Variants in ODF2 observed in about 807,000 individuals in gnomAD.
ODF2 encodes the protein outer dense fiber protein 2.
ODF2 carries 47 observed loss-of-function variants against 110.2 expected under a neutral mutation model. That is an observed-to-expected ratio of 0.43 (90% CI 0.34 to 0.54). The LOEUF (loss-of-function observed/expected upper bound fraction) is 0.54. Among genes scored for constraint, ODF2 ranks in the 20% least tolerant of loss-of-function variants. The pLI is 0.03. For missense variants in ODF2, 812 were observed against 1,054.5 expected (o/e 0.77, Z 3.19); for synonymous variants, 352 against 397.7 (o/e 0.89, Z 1.37).
intron 10 of ODF2, among the ~76,000 whole-genome samples, chr9:128,483,185 G>A (rs528796734): frequency 1.9e-3 from 288 of 152,164 alleles, no homozygotes; most frequent in Non-Finnish European, 2.7e-3. Flanking sequence ...GAGCCACTGC[G>A]CCCAGCCGCA....
At chr9:128,461,212 T>C in intron 4 of ODF2, 145 bp downstream of exon 4, 1 of 1,019,288 alleles carries the variant, frequency 9.8e-7, no homozygotes, top group South Asian at 1.7e-5. Context: ...ACCCTGAAAC[T>C]ATGTGAATCT....
At chr9:128,467,361 C>T (rs990440830) in intron 4 of ODF2, among the ~76,000 whole-genome samples, 11 of 151,960 alleles carry the variant, frequency 7.2e-5, no homozygotes, top group African/African-American at 2.7e-4. Flanking sequence ...CAGTCCATTG[C>T]TGACTGAAAT....
At position 128,494,534 on chromosome 9, in the gene ODF2, C is replaced by G. The variant is rs771221071; in HGVS notation, c.1777C>G (p.Leu593Val). Residue 593 changes from leucine to valine, a missense_variant, in exon 17 of 21, where the codon CTG becomes GTG. Leu to Val is a conservative substitution (Grantham distance 32, BLOSUM62 1). Around this residue, in one of 5 missense-constraint regions of ODF2, gnomAD observed 165 missense variants for 293.4 expected, o/e 0.56. Coordinates refer to ENST00000604420, the Ensembl canonical transcript of ODF2. The surrounding 1 kb of genome is among the most constrained non-coding windows in gnomAD (Gnocchi z 4.6). ...GGCACGAAGGCAGTTCCAGTCTCAGCTGGCTGACCTGCAGCAGCTCCCTGA... is the reference window on the plus strand; with the variant it reads ...GGCACGAAGGCAGTTCCAGTCTCAGGTGGCTGACCTGCAGCAGCTCCCTGA... 22 of 1,614,112 alleles carry G rather than the reference C, an allele frequency of 1.4e-5. No homozygotes were observed. The highest frequency in any genetic ancestry group is 1.7e-5 in the Non-Finnish European group (20 of 1,180,052).
At chr9:128,461,304 G>C (rs1175983191) in intron 4 of ODF2, 1 of 516,464 alleles carries the variant, frequency 1.9e-6, no homozygotes, top group Non-Finnish European at 3.5e-6. Context: ...AGAGAGAAGT[G>C]ATTTTCCCAG....
At chr9:128,456,406 T>C in intron 1 of ODF2, 151 bp downstream of exon 1, 13 of 1,465,954 alleles carry the variant, frequency 8.9e-6, no homozygotes, top group Non-Finnish European at 1.2e-5. Flanking sequence ...TGTCAGAACC[T>C]GGGCCCCCGC....
At chr9:128,488,108 G>T (rs1406507914) in intron 14 of ODF2, 83 bp downstream of exon 14, 5 of 1,500,186 alleles carry the variant, frequency 3.3e-6, no homozygotes, top group Non-Finnish European at 4.6e-6. Flanking sequence ...GGGCCTGGGG[G>T]CATCTTGACT....
intron 13 of ODF2, among the ~76,000 whole-genome samples, chr9:128,486,308 G>T (rs571439121): frequency 6.6e-6 from 1 of 152,292 alleles, no homozygotes; most frequent in East Asian, 1.9e-4. Flanking sequence ...GCCAGCTGCT[G>T]TCCTTAGGGA....
chr9:128,474,390 G>T (rs1232708033), intron 8 of ODF2, among the ~76,000 whole-genome samples: 3 of 152,196 alleles, frequency 2.0e-5, no homozygotes, highest in Non-Finnish European at 4.4e-5. Context: ...CTACTCTGGA[G>T]GTTGAGGCAG....
chr9:128,472,213 T>C (rs982669007), intron 6 of ODF2, among the ~76,000 whole-genome samples: 1 of 152,094 alleles, frequency 6.6e-6, no homozygotes, highest in African/African-American at 2.4e-5. Flanking sequence ...CTGGGAGGCA[T>C]CTCAAAATTT....
chr9:128,463,789 T>G (rs1418120388), intron 4 of ODF2, among the ~76,000 whole-genome samples: 1 of 152,206 alleles, frequency 6.6e-6, no homozygotes, highest in Non-Finnish European at 1.5e-5. Context: ...AATATGCAAG[T>G]AGTGGTAAGC....
intron 18 of ODF2, 88 bp downstream of exon 18, chr9:128,496,229 T>A: frequency 6.3e-7 from 1 of 1,588,894 alleles, no homozygotes. Flanking sequence ...TGTGCGGAAG[T>A]GTTGAGGGAC....
intron 4 of ODF2, among the ~76,000 whole-genome samples, chr9:128,465,872 G>GC (rs1837725206): frequency 6.6e-6 from 1 of 152,164 alleles, no homozygotes; most frequent in South Asian, 2.1e-4. Context: ...AGGAGCAATG[G>GC]CTCACTCCTG....
intron 14 of ODF2, among the ~76,000 whole-genome samples, chr9:128,491,924 G>A (rs1326908637): frequency 6.7e-6 from 1 of 149,068 alleles, no homozygotes; most frequent in East Asian, 2.0e-4. Flanking sequence ...TGGAGTGCAG[G>A]GGCACGATCT....
At position 128,485,371 on chromosome 9, in the gene ODF2, T is replaced by C; in HGVS notation, c.1297T>C (p.Tyr433His). 6.3e-7 allele frequency: 1 copy of C among 1,592,902 alleles called. No homozygotes were observed. The change falls in exon 13 of 21, where the codon TAT becomes CAT. Residue 433 changes from tyrosine (Y) to histidine (H), a missense_variant. Around this residue, in one of 5 missense-constraint regions of ODF2, gnomAD observed 165 missense variants for 293.4 expected, o/e 0.56. Coordinates refer to ENST00000604420, the Ensembl canonical transcript of ODF2. The surrounding 1 kb of genome is among the most constrained non-coding windows in gnomAD (Gnocchi z 5.0). ...TTTTGTCCCGTGTTCCCAGGATCTT[T>C]ATGTCGCTGAAGCTTTATCCACTCT...
At chr9:128,496,803 C>T (rs1183799203) in intron 18 of ODF2, among the ~76,000 whole-genome samples, 2 of 152,224 alleles carry the variant, frequency 1.3e-5, no homozygotes, top group Non-Finnish European at 2.9e-5. Context: ...TCTCAGCTCA[C>T]TGCAACCTCG....
At chr9:128,472,009 T>C (rs577700684) in intron 6 of ODF2, among the ~76,000 whole-genome samples, 21 of 152,258 alleles carry the variant, frequency 1.4e-4, no homozygotes, top group African/African-American at 4.6e-4. Flanking sequence ...TGGCCGGGCG[T>C]GGTGGCTCAC....
At chr9:128,497,437 AAAAAAAAAAATATATATATATAT>A (rs1327203047) in intron 18 of ODF2, 4 of 97,484 alleles carry the variant, frequency 4.1e-5, no homozygotes, top group Admixed American at 2.2e-4. Context: ...AAAAAAAAAA[AAAAAAAAAAATATATATATATAT>A]ATATATATAT....
downstream of ODF2, chr9:128,501,125 C>T (rs1019531124): frequency 2.6e-5 from 4 of 152,176 alleles, no homozygotes; most frequent in African/African-American, 7.2e-5. Flanking sequence ...GGTGCTTTCA[C>T]ATTGTAATCA....
chr9:128,474,416 C>T (rs913117083), intron 8 of ODF2, among the ~76,000 whole-genome samples: 1 of 152,078 alleles, frequency 6.6e-6, no homozygotes, highest in Non-Finnish European at 1.5e-5. Flanking sequence ...TTGCTTGAAC[C>T]TGGGAGGCGG....
Sources: gnomAD v4.1 joint callset for allele counts (sites outside exome capture counted in the v4.1 genomes callset) on GRCh38, gnomAD v4.1.1 for gene constraint, gnomAD v4.1.1 regional missense constraint, Gnocchi (gnomAD v3.1) non-coding constraint, MANE v1.5 for transcripts, NCBI Gene and HGNC (gene_info 2026-07-23, HGNC 2026-07-21) for gene names.